MSRA: variants seen among roughly 807,000 people sequenced by gnomAD.
MSRA encodes the protein mitochondrial peptide methionine sulfoxide reductase.
MSRA carries 54 observed loss-of-function variants against 31.3 expected under a neutral mutation model. That is an observed-to-expected ratio of 1.73 (90% CI 1.39 to 2.17). MSRA has a LOEUF of 2.17. Ranked by LOEUF, MSRA falls within the 30% of genes most tolerant of loss-of-function variation. The pLI, the probability that MSRA is intolerant of heterozygous loss-of-function variation, is 0.00. For synonymous variants in MSRA, 169 were observed against 116.5 expected (o/e 1.45, Z -2.90); for missense variants, 507 against 300.9 (o/e 1.69, Z -5.07).
intron 3 of MSRA, among the ~76,000 whole-genome samples, chr8:10,287,239 A>G (rs1188873488): frequency 6.6e-6 from 1 of 152,210 alleles, no homozygotes; most frequent in Non-Finnish European, 1.5e-5. Context: ...GTTTATGGGG[A>G]GAAAGCATGA....
intron 1 of MSRA, among the ~76,000 whole-genome samples, chr8:10,065,663 T>C (rs1797420008): frequency 6.6e-6 from 1 of 152,230 alleles, no homozygotes. Flanking sequence ...AACCTGGCAG[T>C]TATTTTTTCA....
chr8:10,355,336 A>T (rs1804445226), intron 5 of MSRA, among the ~76,000 whole-genome samples: 1 of 152,222 alleles, frequency 6.6e-6, no homozygotes, highest in Non-Finnish European at 1.5e-5. Context: ...GGGATTTTTG[A>T]TGGAAGCTTT....
rs558436729 is a variant in MSRA, at chr8:10,369,772, A to T, written c.543+49783A>T. ...TATTTAACTTAATTAGGGCCAGTTA[A>T]TCCAAAAAATACTCTTTAAAAACAG... On this transcript the variant is annotated intron_variant, in intron 5 of 5. Transcript: ENST00000317173. Among the ~76,000 whole-genome samples the T allele has an allele frequency of 4.4e-4, 67 of 152,338 alleles. 1 individual carries two copies. The South Asian group carries it at 0.014, about 31-fold the overall frequency.
At chr8:10,329,405 GC>G (rs1198496765) in intron 5 of MSRA, among the ~76,000 whole-genome samples, 1 of 152,154 alleles carries the variant, frequency 6.6e-6, no homozygotes, top group East Asian at 1.9e-4. Context: ...GTGGCCACCT[GC>G]CTCATCCTCT....
rs1001974016 is a variant in MSRA, at chr8:10,176,151, G to T, written c.143-31682G>T. Among the ~76,000 whole-genome samples, 3 of 152,168 alleles carry T rather than the reference G, an allele frequency of 2.0e-5. 1 individual carries two copies. Among genetic ancestry groups the T allele is most frequent in the South Asian group, 4.1e-4 (2 of 4,826 alleles). On this transcript the variant is annotated intron_variant, in intron 1 of 5. Transcript: ENST00000317173. ...GCAGATCTTTTAAGCAGTTTGAAAC[G>T]ATCTCAAATTCATCTCTCTTTGCCA...
At chr8:10,393,638 T>C (rs1806907007) in intron 5 of MSRA, among the ~76,000 whole-genome samples, 1 of 152,166 alleles carries the variant, frequency 6.6e-6, no homozygotes, top group Non-Finnish European at 1.5e-5. Flanking sequence ...TGCATGTGAT[T>C]ATAGCGCGGA....
At chr8:10,133,161 T>C (rs1297188454) in intron 1 of MSRA, among the ~76,000 whole-genome samples, 1 of 152,138 alleles carries the variant, frequency 6.6e-6, no homozygotes, top group Non-Finnish European at 1.5e-5. Context: ...AATCATGTTT[T>C]CCCACGGACT....
chr8:10,351,283 C>G (rs1426400721), intron 5 of MSRA, among the ~76,000 whole-genome samples: 5 of 110,208 alleles, frequency 4.5e-5, no homozygotes, highest in Non-Finnish European at 6.7e-5. Context: ...TAGACGGAGT[C>G]TCGCTCTGTT....
At chr8:10,119,186 GCCATTAACT>G (rs1314878657) in intron 1 of MSRA, among the ~76,000 whole-genome samples, 5 of 152,194 alleles carry the variant, frequency 3.3e-5, no homozygotes, top group Non-Finnish European at 7.3e-5. Flanking sequence ...GCGAATTAAA[GCCATTAACT>G]CCATTATCTG....
intron 5 of MSRA, among the ~76,000 whole-genome samples, chr8:10,407,457 G>C (rs1446896189): frequency 6.6e-6 from 1 of 152,236 alleles, no homozygotes; most frequent in Non-Finnish European, 1.5e-5. Flanking sequence ...TGGATGAACT[G>C]TCAAGCTTTG....
chr8:10,359,308 A>C (rs1804701409), intron 5 of MSRA, among the ~76,000 whole-genome samples: 1 of 152,178 alleles, frequency 6.6e-6, no homozygotes, highest in African/African-American at 2.4e-5. Flanking sequence ...ATTTTAAAAA[A>C]AGATACCTTT....
At chr8:10,237,231 G>A (rs1166667075) in intron 2 of MSRA, among the ~76,000 whole-genome samples, 2 of 152,202 alleles carry the variant, frequency 1.3e-5, no homozygotes, top group African/African-American at 2.4e-5. Context: ...TAAAAACTTG[G>A]TGTGGGGGTG....
intron 5 of MSRA, among the ~76,000 whole-genome samples, chr8:10,391,552 T>C (rs1806748233): frequency 6.6e-6 from 1 of 152,372 alleles, no homozygotes; most frequent in Middle Eastern, 3.4e-3. Flanking sequence ...TTACTACTGA[T>C]GAACCCAAGA....
At chr8:10,354,132 G>A (rs184588240) in intron 5 of MSRA, among the ~76,000 whole-genome samples, 6 of 152,316 alleles carry the variant, frequency 3.9e-5, no homozygotes, top group East Asian at 3.9e-4. Context: ...TCTTTGGTTA[G>A]CATTAGAGTT....
intron 5 of MSRA, among the ~76,000 whole-genome samples, chr8:10,423,351 C>T (rs1250386650): frequency 6.6e-6 from 1 of 152,190 alleles, no homozygotes; most frequent in African/African-American, 2.4e-5. Flanking sequence ...CAGCCATGAT[C>T]AGTAACACGC....
chr8:10,380,404 G>A (rs994797713), intron 5 of MSRA, among the ~76,000 whole-genome samples: 2 of 152,148 alleles, frequency 1.3e-5, no homozygotes, highest in South Asian at 2.1e-4. Context: ...GAGCCATGGC[G>A]CTGAAGGCTC....
intron 1 of MSRA, among the ~76,000 whole-genome samples, chr8:10,061,888 C>G (rs1361850000): frequency 6.6e-6 from 1 of 152,176 alleles, no homozygotes; most frequent in African/African-American, 2.4e-5. Context: ...CAGAGACTTG[C>G]TAGGCATCTG....
rs571765820 is a variant in MSRA at position 10,360,618 on chromosome 8, C to T, written c.543+40629C>T. On this transcript the variant is annotated intron_variant, in intron 5 of 5. Coordinates refer to ENST00000317173, the MANE Select transcript of MSRA (RefSeq NM_012331.5). ...TATTGTTCTGTGTGCAACATGGATT[C>T]GATAAATGTTTGTAGCATACACGAA... Among the ~76,000 whole-genome samples the T allele has an allele frequency of 1.2e-4, 19 of 152,232 alleles. 1 individual carries two copies. The highest frequency in any genetic ancestry group is 1.2e-4 in the African/African-American group (5 of 41,540).
At chr8:10,266,630 T>C (rs1798762588) in intron 3 of MSRA, among the ~76,000 whole-genome samples, 1 of 152,130 alleles carries the variant, frequency 6.6e-6, no homozygotes, top group Non-Finnish European at 1.5e-5. Flanking sequence ...TGGATGAAAC[T>C]TTTGTGTCAT....
Sources: allele counts gnomAD v4.1 joint callset (sites outside exome capture counted in the v4.1 genomes callset), GRCh38; gene constraint gnomAD v4.1.1; transcripts MANE v1.5; gene names NCBI Gene and HGNC (gene_info 2026-07-23, HGNC 2026-07-21).